Variants in BLTP1 observed in about 807,000 individuals in gnomAD.
The protein encoded by BLTP1 is bridge-like lipid transfer protein family member 1, also known as fragile site-associated protein.
the BLTP1 span, chr4:122,229,680 C>T: frequency 2.1e-6 from 2 of 951,286 alleles, no homozygotes; most frequent in African/African-American, 1.8e-5. Flanking sequence ...CTCTTGTTCG[C>T]CTGTGGATTT....
the BLTP1 span, chr4:122,164,578 C>A: frequency 4.6e-6 from 1 of 217,448 alleles, no homozygotes; most frequent in Non-Finnish European, 7.8e-6. Flanking sequence ...ACTTAACTTG[C>A]CTTTCTCAAA....
chr4:122,325,276 G>T, the BLTP1 span: 1 of 1,609,618 alleles, frequency 6.2e-7, no homozygotes, highest in South Asian at 1.1e-5. Context: ...CCGTGTGGAT[G>T]CAGCATCTCC....
chr4:122,170,470 G>A, the BLTP1 span: 2 of 1,302,680 alleles, frequency 1.5e-6, no homozygotes, highest in Admixed American at 4.1e-5. Flanking sequence ...CATTTTTGTT[G>A]TATTTTTGCA....
the BLTP1 span, among the ~76,000 whole-genome samples, chr4:122,168,799 T>C: frequency 3.3e-5 from 5 of 152,204 alleles, no homozygotes; most frequent in Non-Finnish European, 7.3e-5. Context: ...CATATCACTG[T>C]TAATAATAAA....
the BLTP1 span, chr4:122,192,073 TAAGAC>T: frequency 7.9e-6 from 2 of 252,558 alleles, no homozygotes; most frequent in African/African-American, 4.6e-5. Context: ...TTGATAGACA[TAAGAC>T]AATATGAGAA....
At chr4:122,216,249 T>C in the BLTP1 span, among the ~76,000 whole-genome samples, 2 of 152,192 alleles carry the variant, frequency 1.3e-5, no homozygotes, top group South Asian at 4.1e-4. Flanking sequence ...CAAGTGTCTT[T>C]TTCATATAAT....
At chr4:122,298,543 A>C in the BLTP1 span, 1 of 365,948 alleles carries the variant, frequency 2.7e-6, no homozygotes, top group Non-Finnish European at 3.8e-6. Flanking sequence ...AAGATTCTAT[A>C]ATCCATTCCA....
the BLTP1 span, among the ~76,000 whole-genome samples, chr4:122,219,997 C>T: frequency 4.6e-5 from 7 of 152,034 alleles, no homozygotes; most frequent in African/African-American, 7.2e-5. Flanking sequence ...GGATCTAGCA[C>T]GGTATCCTGG....
the BLTP1 span, chr4:122,224,075 A>G: frequency 1.0e-6 from 1 of 982,746 alleles, no homozygotes; most frequent in Non-Finnish European, 1.2e-6. Context: ...TTTCCCCACC[A>G]TTCTTCATTG....
At chr4:122,315,808 G>C in the BLTP1 span, 1 of 857,392 alleles carries the variant, frequency 1.2e-6, no homozygotes, top group Non-Finnish European at 1.8e-6. Context: ...AGAAGGGAAT[G>C]GTGGTTCACT....
chr4:122,318,029 G>T, the BLTP1 span: 1 of 1,054,478 alleles, frequency 9.5e-7, no homozygotes, highest in South Asian at 1.7e-5. Flanking sequence ...TGAGGGTTTT[G>T]GCTTGTCTGT....
chr4:122,274,380 T>C, the BLTP1 span: 3 of 1,598,692 alleles, frequency 1.9e-6, no homozygotes, highest in Admixed American at 3.4e-5. Flanking sequence ...CTTGTGCTAC[T>C]GCTCATATTG....
At chr4:122,356,626 A>G in the BLTP1 span, 1 of 1,611,658 alleles carries the variant, frequency 6.2e-7, no homozygotes. Flanking sequence ...TGCAGATGCC[A>G]GCCTGAAGCC....
chr4:122,287,741 C>T, the BLTP1 span: 1 of 979,670 alleles, frequency 1.0e-6, no homozygotes, highest in Non-Finnish European at 1.2e-6. Flanking sequence ...CCTGGAAGCT[C>T]TCTAAGAGTT....
the BLTP1 span, chr4:122,235,734 C>A: frequency 1.3e-5 from 2 of 152,144 alleles, no homozygotes; most frequent in African/African-American, 4.8e-5. Flanking sequence ...GAACGCGGGA[C>A]GCGGAGCTTG....
At chr4:122,170,035 G>A in the BLTP1 span, 13 of 976,344 alleles carry the variant, frequency 1.3e-5, no homozygotes, top group African/African-American at 1.1e-4. Context: ...CGCTGGGCGC[G>A]GTGGCTCACG....
chr4:122,155,139 G>A, the BLTP1 span: 1 of 157,474 alleles, frequency 6.4e-6, no homozygotes, highest in East Asian at 1.9e-4. Context: ...CTCTTAGAAG[G>A]TAACATTTTT....
At chr4:122,347,824 G>T in the BLTP1 span, 2 of 1,404,172 alleles carry the variant, frequency 1.4e-6, no homozygotes, top group Non-Finnish European at 2.0e-6. Flanking sequence ...AGTGTTCTCA[G>T]GATAAAATCT....
chr4:122,269,124 A>C, the BLTP1 span: 9 of 928,706 alleles, frequency 9.7e-6, no homozygotes, highest in Non-Finnish European at 1.2e-5. Flanking sequence ...ATTTATATTT[A>C]AATTTGCAAG....
Sources: gnomAD v4.1 joint callset for allele counts (sites outside exome capture counted in the v4.1 genomes callset) on GRCh38, gnomAD v4.1.1 for gene constraint, MANE v1.5 for transcripts, NCBI Gene and HGNC (gene_info 2026-07-23, HGNC 2026-07-21) for gene names.